Variants in PCDHA8 observed in about 807,000 individuals in gnomAD.
PCDHA8 encodes the protein protocadherin alpha-8.
Under a neutral mutation model 61.8 loss-of-function variants are expected in PCDHA8, and 53 were observed. The ratio of observed to expected loss-of-function variants is 0.86; its 90% CI spans 0.69 to 1.08. The LOEUF is 1.08. Ranked by LOEUF, PCDHA8 falls within the 50% of genes least tolerant of loss-of-function variation. The pLI, the probability that PCDHA8 is intolerant of heterozygous loss-of-function variation, is 0.00. For missense variants in PCDHA8, 1,293 were observed against 1,245.0 expected (o/e 1.04, Z -0.58); for synonymous variants, 618 against 556.6 (o/e 1.11, Z -1.55).
chr5:140,964,930 G>A (rs1480159584), intron 1 of PCDHA8, among the ~76,000 whole-genome samples: 12 of 152,306 alleles, frequency 7.9e-5, no homozygotes, highest in Middle Eastern at 3.4e-3. Flanking sequence ...CTAGGTAGTG[G>A]AGCATTGATA....
rs2098415068 is a variant in PCDHA8, at chr5:141,009,865, AAAG to A, written c.2788_2790del (p.Lys930del). The A allele has an allele frequency of 3.1e-6, 5 of 1,614,074 alleles. No homozygotes were observed. The highest frequency in any genetic ancestry group is 4.5e-5 in the East Asian group (2 of 44,872). On this transcript the variant is annotated inframe_deletion, in exon 4 of 4. Transcript: ENST00000531613. ...AGGAGGAGACCAAGAAAAAGAAGAA[AAAG>A]AAGAAGGGTAACAAGACCCAGGAGA...
chr5:140,846,373 CTT>C (rs374699051), intron 1 of PCDHA8, among the ~76,000 whole-genome samples: 1,689 of 55,008 alleles, frequency 0.031, 26 homozygotes, highest in African/African-American at 0.077. Context: ...TTCTTTCTTT[CTT>C]TTTTTTTTTT....
chr5:141,001,164 A>T (rs2097995699), intron 3 of PCDHA8, among the ~76,000 whole-genome samples: 1 of 152,102 alleles, frequency 6.6e-6, no homozygotes, highest in East Asian at 1.9e-4. Context: ...AATAAGTAAA[A>T]TTTAACGAGT....
At chr5:140,972,480 C>A (rs558245112) in intron 1 of PCDHA8, among the ~76,000 whole-genome samples, 2 of 151,890 alleles carry the variant, frequency 1.3e-5, no homozygotes, top group East Asian at 3.9e-4. Context: ...AGCATTTAAC[C>A]CCAGACTCTA....
rs2098422926 is a variant in PCDHA8 at position 141,012,085 on chromosome 5, G to A, written c.*2148G>A. The A allele has an allele frequency of 1.3e-5, 2 of 153,740 alleles. No homozygotes were observed. Among genetic ancestry groups the A allele is most frequent in the Admixed American group, 1.3e-4 (2 of 15,280 alleles). 9.5% of individuals were successfully genotyped at this position (153,740 alleles called of 1,614,324 possible). A position where few individuals can be genotyped will look rare whatever the true frequency, so the allele number is the denominator to read the frequency against. ...ACATGTGAACCATTGCTACATTGTAGGTTGTGATCATTTTGCCCCACTGAA... is the reference window on the plus strand; with the variant it reads ...ACATGTGAACCATTGCTACATTGTAAGTTGTGATCATTTTGCCCCACTGAA... On this transcript the variant is annotated 3_prime_UTR_variant, in exon 4 of 4. Coordinates refer to ENST00000531613, the MANE Select transcript of PCDHA8 (RefSeq NM_018911.3).
At chr5:140,875,830 G>T in intron 1 of PCDHA8, 1 of 1,614,226 alleles carries the variant, frequency 6.2e-7, no homozygotes, top group South Asian at 1.1e-5. Context: ...TTTCCATGTG[G>T]ACGTGGAGGT....
At chr5:140,996,622 G>C (rs2097735162) in intron 3 of PCDHA8, among the ~76,000 whole-genome samples, 1 of 152,156 alleles carries the variant, frequency 6.6e-6, no homozygotes, top group African/African-American at 2.4e-5. Context: ...AATTTCACTG[G>C]TTCCTGCAAA....
In PCDHA8 at chr5:140,858,295, G is replaced by A. The variant is rs190932191; in HGVS notation, c.2394+14580G>A. ...GCGCGGTGGGGAGCTGGTCTTACTC[G>A]CAGCAGAGGCGGCAGAGGGTGTGTT... On this transcript the variant is annotated intron_variant, in intron 1 of 3. Coordinates refer to ENST00000531613, the MANE Select transcript of PCDHA8 (RefSeq NM_018911.3). 2.6e-3 allele frequency: 4,219 copies of A among 1,597,346 alleles called. 330 individuals are homozygous for A. The highest frequency in any genetic ancestry group is 0.01 in the Middle Eastern group (61 of 5,988).
intron 1 of PCDHA8, chr5:140,863,282 A>T (rs782183211): frequency 6.8e-7 from 1 of 1,461,396 alleles, no homozygotes; most frequent in East Asian, 3.4e-5. Context: ...GTGGATGTCA[A>T]CGTGTACCTG....
In PCDHA8 at chr5:140,900,825, C is replaced by T. The variant is rs568337253; in HGVS notation, c.2394+57110C>T. On this transcript the variant is annotated intron_variant, in intron 1 of 3. Coordinates refer to ENST00000531613, the MANE Select transcript of PCDHA8 (RefSeq NM_018911.3). Reference sequence around the variant, plus strand: ...TGCTTGTACTAATTTACATTCCCACCAACAATGTACAAAGTTTCCCTTTTT... The same window carrying T: ...TGCTTGTACTAATTTACATTCCCACTAACAATGTACAAAGTTTCCCTTTTT... Among the ~76,000 whole-genome samples, 8 of 152,276 alleles carry T rather than the reference C, an allele frequency of 5.3e-5. No homozygotes were observed. The South Asian group carries it at 1.7e-3, about 32-fold the overall frequency.
intron 1 of PCDHA8, among the ~76,000 whole-genome samples, chr5:140,951,536 C>T (rs1260106126): frequency 2.0e-5 from 3 of 151,914 alleles, no homozygotes; most frequent in Admixed American, 6.6e-5. Flanking sequence ...GGTGCAGGAG[C>T]AAGGGACGGG....
chr5:140,909,454 C>G (rs1317276726), intron 1 of PCDHA8, among the ~76,000 whole-genome samples: 2 of 152,190 alleles, frequency 1.3e-5, no homozygotes, highest in African/African-American at 4.8e-5. Flanking sequence ...TCTCCAAGAT[C>G]CATCTGTCTT....
At chr5:140,964,383 G>A (rs543441248) in intron 1 of PCDHA8, among the ~76,000 whole-genome samples, 1 of 152,142 alleles carries the variant, frequency 6.6e-6, no homozygotes, top group Non-Finnish European at 1.5e-5. Context: ...GAGAGTCCTG[G>A]TTTTTCTCCC....
At position 140,848,612 on chromosome 5, in the gene PCDHA8, C is replaced by T. The variant is rs141640003; in HGVS notation, c.2394+4897C>T. The T allele has an allele frequency of 2.7e-3, 4,330 of 1,586,952 alleles. 470 individuals carry two copies. Among genetic ancestry groups the T allele is most frequent in the Middle Eastern group, 9.9e-3 (57 of 5,730 alleles). On this transcript the variant is annotated intron_variant, in intron 1 of 3. Coordinates refer to ENST00000531613, the MANE Select transcript of PCDHA8 (RefSeq NM_018911.3). Reference sequence around the variant, plus strand: ...TCCACTACTCCGTCCCGGAGGAAGCCGAACACGGCACCTTCGTGGGCCGCA... The same window carrying T: ...TCCACTACTCCGTCCCGGAGGAAGCTGAACACGGCACCTTCGTGGGCCGCA...
intron 1 of PCDHA8, among the ~76,000 whole-genome samples, chr5:140,933,053 G>C (rs2088831256): frequency 6.6e-6 from 1 of 151,948 alleles, no homozygotes; most frequent in Non-Finnish European, 1.5e-5. Flanking sequence ...TTACAGTCCA[G>C]GATCCTGACT....
At chr5:140,950,429 T>TGTA (rs1554219455) in intron 1 of PCDHA8, among the ~76,000 whole-genome samples, 5 of 151,900 alleles carry the variant, frequency 3.3e-5, no homozygotes, top group African/African-American at 1.2e-4. Flanking sequence ...TTCTTCCACT[T>TGTA]AAAAAAAATG....
At chr5:140,967,680 G>A in intron 1 of PCDHA8, 4 of 1,614,228 alleles carry the variant, frequency 2.5e-6, no homozygotes, top group South Asian at 1.1e-5. Context: ...GACCGGGAGA[G>A]GCAGCTCTTC....
At chr5:140,911,439 A>C (rs2075473101) in intron 1 of PCDHA8, among the ~76,000 whole-genome samples, 2 of 152,080 alleles carry the variant, frequency 1.3e-5, no homozygotes, top group Admixed American at 1.3e-4. Context: ...AATTTCCCGC[A>C]ATTTCAGCTC....
At position 140,871,409 on chromosome 5, in the gene PCDHA8, T is replaced by C. The variant is rs2053060094; in HGVS notation, c.2394+27694T>C. The C allele has an allele frequency of 1.2e-6, 2 of 1,613,974 alleles. No homozygotes were observed. Among genetic ancestry groups the C allele is most frequent in the African/African-American group, 1.3e-5 (1 of 74,954 alleles). On this transcript the variant is annotated intron_variant, in intron 1 of 3. Coordinates refer to ENST00000531613, the MANE Select transcript of PCDHA8 (RefSeq NM_018911.3). ...GAGGGCCCACCTAAGACGGACCTCATGGCCTTCAGCCCCAGTCTTCCTCTA... is the reference window on the plus strand; with the variant it reads ...GAGGGCCCACCTAAGACGGACCTCACGGCCTTCAGCCCCAGTCTTCCTCTA...
Sources: allele counts gnomAD v4.1 joint callset (sites outside exome capture counted in the v4.1 genomes callset), GRCh38; gene constraint gnomAD v4.1.1; transcripts MANE v1.5; gene names NCBI Gene and HGNC (gene_info 2026-07-23, HGNC 2026-07-21).